AGBL3: variants seen among roughly 807,000 people sequenced by gnomAD.
AGBL3 encodes the protein AGBL carboxypeptidase 3.
In AGBL3, 68 loss-of-function variants were observed where a neutral mutation model predicts 94.5. The observed-to-expected ratio is 0.72, with a 90% confidence interval of 0.59 to 0.88. The LOEUF is 0.88. Ranked by LOEUF, AGBL3 falls within the 40% of genes least tolerant of loss-of-function variation. The pLI is 0.00. For synonymous variants in AGBL3, 354 were observed against 370.7 expected (o/e 0.95, Z 0.52); for missense variants, 934 against 1,103.8 (o/e 0.85, Z 2.18).
At chr7:135,125,475 C>CT (rs1171961604) in intron 16 of AGBL3, among the ~76,000 whole-genome samples, 2 of 152,170 alleles carry the variant, frequency 1.3e-5, no homozygotes, top group African/African-American at 4.8e-5. Flanking sequence ...CAAAGAAGAG[C>CT]TGGTACCATT....
At chr7:135,071,194 T>C (rs1298800807) in intron 12 of AGBL3, among the ~76,000 whole-genome samples, 1 of 152,068 alleles carries the variant, frequency 6.6e-6, no homozygotes. Context: ...CAAGGAGAAC[T>C]ACAAACCACT....
intron 11 of AGBL3, among the ~76,000 whole-genome samples, chr7:135,046,693 T>G (rs1459967442): frequency 6.6e-6 from 1 of 152,130 alleles, no homozygotes; most frequent in Non-Finnish European, 1.5e-5. Context: ...ATTGTCTGAA[T>G]GTACCACAGT....
intron 4 of AGBL3, among the ~76,000 whole-genome samples, chr7:135,008,301 T>C (rs73153707): frequency 0.12 from 18,073 of 152,156 alleles, 1,206 homozygotes; most frequent in East Asian, 0.19. Context: ...GACCAGTGAA[T>C]TACATTGGAA....
At chr7:135,105,221 C>T (rs1308175577) in intron 15 of AGBL3, among the ~76,000 whole-genome samples, 1 of 152,080 alleles carries the variant, frequency 6.6e-6, no homozygotes, top group Non-Finnish European at 1.5e-5. Context: ...AGGTGCCCAC[C>T]ACCACGTCTG....
intron 16 of AGBL3, among the ~76,000 whole-genome samples, chr7:135,121,478 G>C (rs1827116540): frequency 7.1e-6 from 1 of 140,494 alleles, no homozygotes; most frequent in Middle Eastern, 3.4e-3. Flanking sequence ...ATATTTAAAA[G>C]AATTTAAATC....
chr7:134,991,636 T>A (rs1373991591), intron 3 of AGBL3, among the ~76,000 whole-genome samples: 3 of 152,136 alleles, frequency 2.0e-5, no homozygotes, highest in African/African-American at 7.2e-5. Context: ...GGCTGTCTTA[T>A]CAATGTTTGT....
rs769495951 is a variant in AGBL3 at position 135,045,522 on chromosome 7, G to A, written c.1676G>A (p.Gly559Glu). 21 of 1,551,044 alleles carry A rather than the reference G, an allele frequency of 1.4e-5. No homozygotes were observed. Among genetic ancestry groups the A allele is most frequent in the South Asian group, 7.1e-5 (6 of 84,052 alleles). Residue 559 changes from glycine (G) to glutamate (E), a missense_variant, in exon 10 of 17, where the codon GGA (glycine) becomes GAA (glutamate). By Grantham distance (98) the Gly-to-Glu change is moderately conservative. Transcript: ENST00000436302. ...AGCACGAAAGACCTGGAATCAATGG[G>A]ATATCATTTTTGTGATTCTCTCTTG... ...HFSTKDLESM[G>E]YHFCDSLLDY...
intron 5 of AGBL3, among the ~76,000 whole-genome samples, chr7:135,030,267 C>A (rs764812804): frequency 6.6e-6 from 1 of 151,758 alleles, no homozygotes; most frequent in South Asian, 2.1e-4. Context: ...TACAGATATT[C>A]TTCAATTTAC....
intron 12 of AGBL3, among the ~76,000 whole-genome samples, chr7:135,062,937 A>G (rs182001019): frequency 8.5e-5 from 13 of 152,246 alleles, no homozygotes; most frequent in Admixed American, 2.6e-4. Context: ...AAGGATTCAT[A>G]TTAGTTCCTC....
chr7:135,028,432 A>T (rs963349016), intron 5 of AGBL3, among the ~76,000 whole-genome samples: 1 of 152,230 alleles, frequency 6.6e-6, no homozygotes, highest in Non-Finnish European at 1.5e-5. Flanking sequence ...TACCAGTAAT[A>T]AATTTCATGT....
chr7:135,030,158 TA>T (rs74392929), intron 5 of AGBL3, among the ~76,000 whole-genome samples: 12,887 of 117,316 alleles, frequency 0.11, 596 homozygotes, highest in Middle Eastern at 0.26. Context: ...TTTAATTTGT[TA>T]AAAAAAAAAA....
intron 3 of AGBL3, among the ~76,000 whole-genome samples, chr7:134,990,420 A>G (rs558425920): frequency 1.3e-5 from 2 of 152,320 alleles, no homozygotes; most frequent in East Asian, 1.9e-4. Context: ...GTTGTTGCAT[A>G]TATCAGTAGT....
intron 16 of AGBL3, among the ~76,000 whole-genome samples, chr7:135,119,497 T>C: frequency 6.6e-6 from 1 of 151,566 alleles, no homozygotes; most frequent in Non-Finnish European, 1.5e-5. Flanking sequence ...CCCAAAGTGC[T>C]GGGATTACAG....
chr7:135,010,724 A>G (rs1813039717), intron 4 of AGBL3: 1 of 152,324 alleles, frequency 6.6e-6, no homozygotes, highest in East Asian at 1.9e-4. Context: ...TATGTTTTCA[A>G]CTGTTTCAAA....
intron 15 of AGBL3, among the ~76,000 whole-genome samples, chr7:135,105,199 C>T (rs553240883): frequency 1.3e-5 from 2 of 151,464 alleles, no homozygotes; most frequent in East Asian, 3.9e-4. Context: ...CCTCCCCAGT[C>T]GCTGGGATTA....
chr7:135,065,417 G>T (rs1819197765), intron 12 of AGBL3, among the ~76,000 whole-genome samples: 2 of 152,164 alleles, frequency 1.3e-5, no homozygotes, highest in Admixed American at 1.3e-4. Flanking sequence ...CACACTTCCT[G>T]ATTTTAAAAT....
At chr7:135,049,603 G>A (rs995819279) in intron 11 of AGBL3, among the ~76,000 whole-genome samples, 4 of 151,828 alleles carry the variant, frequency 2.6e-5, no homozygotes, top group Admixed American at 6.6e-5. Flanking sequence ...ATAGTTATAG[G>A]CCTGTTCAGA....
intron 15 of AGBL3, among the ~76,000 whole-genome samples, chr7:135,082,759 T>C (rs1821025259): frequency 6.6e-6 from 1 of 152,144 alleles, no homozygotes; most frequent in Non-Finnish European, 1.5e-5. Context: ...TTTAACCTTC[T>C]TAGGTTCGGC....
At chr7:135,113,476 T>C (rs534077500) in intron 15 of AGBL3, among the ~76,000 whole-genome samples, 1 of 152,228 alleles carries the variant, frequency 6.6e-6, no homozygotes, top group Non-Finnish European at 1.5e-5. Context: ...TAAACAGTTA[T>C]TAACAAAGCA....
Sources: gnomAD v4.1 joint callset for allele counts (sites outside exome capture counted in the v4.1 genomes callset) on GRCh38, gnomAD v4.1.1 for gene constraint, MANE v1.5 for transcripts, NCBI Gene and HGNC (gene_info 2026-07-23, HGNC 2026-07-21) for gene names.